The following ZNF567 variants were observed in gnomAD, a reference collection of about 807,000 sequenced individuals.
ZNF567 encodes zinc finger protein 567.
A neutral mutation model predicts 53.9 loss-of-function variants in ZNF567; 36 were observed. The ratio of observed to expected loss-of-function variants is 0.67; its 90% CI spans 0.51 to 0.88. ZNF567 has a LOEUF of 0.88. Among genes scored for constraint, ZNF567 ranks in the 40% least tolerant of loss-of-function variants. The probability of loss-of-function intolerance (pLI) is 0.00; values close to 1 mark genes in which losing one functional copy is unlikely to be tolerated. For missense variants in ZNF567, 619 were observed against 764.7 expected (o/e 0.81, Z 2.25); for synonymous variants, 224 against 260.4 (o/e 0.86, Z 1.35).
chr19:36,681,334 C>T, the ZNF567 span, among the ~76,000 whole-genome samples: 1 of 152,138 alleles, frequency 6.6e-6, no homozygotes, highest in Admixed American at 6.5e-5. Flanking sequence ...TCTCTTTTTA[C>T]ACATTTAAGG....
the ZNF567 span, chr19:36,669,327 G>A: frequency 6.6e-6 from 1 of 152,162 alleles, no homozygotes. Flanking sequence ...TGTTTTAAAG[G>A]ATTATGATTG....
At chr19:36,676,445 C>T in the ZNF567 span, among the ~76,000 whole-genome samples, 4 of 151,678 alleles carry the variant, frequency 2.6e-5, no homozygotes, top group African/African-American at 9.7e-5. Flanking sequence ...TATATTCCTG[C>T]TAGACTCAAA....
intron 2 of ZNF567, among the ~76,000 whole-genome samples, chr19:36,694,240 T>G (rs983945102): frequency 6.6e-6 from 1 of 152,132 alleles, no homozygotes; most frequent in Non-Finnish European, 1.5e-5. Context: ...ATTAATTTCC[T>G]TCCTTTAAAG....
chr19:36,685,768 G>C (rs2038253620), upstream of ZNF567: 1 of 152,152 alleles, frequency 6.6e-6, no homozygotes, highest in African/African-American at 2.4e-5. Flanking sequence ...CACCTCAAAA[G>C]TTTATGGCTT....
At chr19:36,668,617 GTGACTGTGTA>G in the ZNF567 span, 1 of 152,284 alleles carries the variant, frequency 6.6e-6, no homozygotes, top group Non-Finnish European at 1.5e-5. Context: ...GCGGTGTGAG[GTGACTGTGTA>G]TGTTTGTGTG....
rs2040225828 is a variant in ZNF567, at chr19:36,719,711, AAC to A, written c.995_996del (p.Thr332ArgfsTer6). On this transcript the variant is annotated frameshift_variant, in exon 6 of 6. Coordinates refer to ENST00000682579, the MANE Select transcript of ZNF567 (RefSeq NM_001322917.1). LOFTEE classifies it high-confidence loss of function. ...LKTALTDHQRTHTGEKSYECL... is the reference protein window; with the variant it reads ...LKTALTDHQRXHTGEKSYECL... ...AGACAGCCCTCACTGATCATCAGAG[AAC>A]ACACACAGGGGAGAAATCGTATGAA... 1.2e-6 allele frequency: 2 copies of A among 1,614,162 alleles called. No individual in the cohort carries two copies. The highest frequency in any genetic ancestry group is 1.7e-6 in the Non-Finnish European group (2 of 1,180,026).
chr19:36,671,974 C>A, the ZNF567 span, among the ~76,000 whole-genome samples: 1 of 152,224 alleles, frequency 6.6e-6, no homozygotes, highest in Non-Finnish European at 1.5e-5. Flanking sequence ...TGCTACAATA[C>A]CTTTCTCTCC....
intron 5 of ZNF567, among the ~76,000 whole-genome samples, chr19:36,718,310 C>T (rs2040155842): frequency 6.6e-6 from 1 of 151,936 alleles, no homozygotes; most frequent in Non-Finnish European, 1.5e-5. Context: ...CCAACCTGGC[C>T]AGCATGGTGA....
At chr19:36,708,968 T>C (rs2039637819) in intron 3 of ZNF567, among the ~76,000 whole-genome samples, 1 of 152,250 alleles carries the variant, frequency 6.6e-6, no homozygotes, top group Admixed American at 6.5e-5. Flanking sequence ...TTAAGGTTAA[T>C]ATTAAATTAG....
Position 36,708,164 on chromosome 19 carries a change from A to G in ZNF567, c.10-4222A>G, listed in dbSNP as rs1321234996. On this transcript the variant is annotated intron_variant, in intron 3 of 5. Transcript: ENST00000682579. ...CTCAGCTTCCCAGAGTTCTGGAATT[A>G]CTGGCATGAGCCACTGTGCCCAGCC... Among the ~76,000 whole-genome samples, 55 of 152,196 alleles carry G rather than the reference A, an allele frequency of 3.6e-4. 1 individual carries two copies. The highest frequency in any genetic ancestry group is 1.5e-5 in the Non-Finnish European group (1 of 68,038).
At position 36,712,520 on chromosome 19, in the gene ZNF567, A is replaced by G; in HGVS notation, c.136+8A>G. Reference sequence around the variant, plus strand: ...GCCACCTCATCTCTGTGGGTAAGAAAAATCCTCTTTGAAACTTTAGTAGCA... The same window carrying G: ...GCCACCTCATCTCTGTGGGTAAGAAGAATCCTCTTTGAAACTTTAGTAGCA... On this transcript the variant is annotated splice_region_variant and intron_variant, in intron 4 of 5. Transcript: ENST00000682579. 14 of 1,614,130 alleles carry G rather than the reference A, an allele frequency of 8.7e-6. No individual in the cohort carries two copies. Among genetic ancestry groups the G allele is most frequent in the Non-Finnish European group, 1.2e-5 (14 of 1,179,996 alleles).
upstream of ZNF567, among the ~76,000 whole-genome samples, chr19:36,683,768 G>A (rs1187299528): frequency 1.3e-5 from 2 of 152,044 alleles, no homozygotes; most frequent in East Asian, 3.9e-4. Context: ...GGAGGCGGGG[G>A]TTGCAGTAAG....
At chr19:36,705,814 A>G (rs1413834693) in intron 3 of ZNF567, among the ~76,000 whole-genome samples, 1 of 152,134 alleles carries the variant, frequency 6.6e-6, no homozygotes, top group African/African-American at 2.4e-5. Context: ...TATATTTAGG[A>G]TTGTTGTATC....
the ZNF567 span, among the ~76,000 whole-genome samples, chr19:36,675,844 G>C: frequency 6.6e-6 from 1 of 151,994 alleles, no homozygotes; most frequent in African/African-American, 2.4e-5. Context: ...GCAAGACTCT[G>C]TCTCAAACAA....
In ZNF567 at chr19:36,719,749, G is replaced by A; in HGVS notation, c.1025G>A (p.Cys342Tyr). 4.3e-6 allele frequency: 7 copies of A among 1,614,134 alleles called. No individual in the cohort carries two copies. The highest frequency in any genetic ancestry group is 5.9e-6 in the Non-Finnish European group (7 of 1,180,016). ...TGEKSYECLQ[C>Y]RNAFRLKSHL... ...GAGAAATCGTATGAATGTCTGCAAT[G>A]TAGGAATGCCTTCAGATTGAAGTCA... Residue 342 changes from cysteine to tyrosine, a missense_variant, in exon 6 of 6, where the codon TGT (cysteine) becomes TAT (tyrosine). Coordinates refer to ENST00000682579, the MANE Select transcript of ZNF567 (RefSeq NM_001322917.1).
At chr19:36,701,228 C>T (rs542609783) in intron 3 of ZNF567, among the ~76,000 whole-genome samples, 18 of 152,196 alleles carry the variant, frequency 1.2e-4, no homozygotes, top group South Asian at 1.0e-3. Flanking sequence ...TTTAGTTGAG[C>T]GGTTTTGAGT....
Position 36,719,188 on chromosome 19 carries a change from C to T in ZNF567, c.464C>T (p.Ala155Val), listed in dbSNP as rs2040200109. The T allele has an allele frequency of 1.2e-6, 2 of 1,613,190 alleles. No homozygotes were observed. Among genetic ancestry groups the T allele is most frequent in the Admixed American group, 1.7e-5 (1 of 59,848 alleles). ...TTAATCATCAGTAATCTAAATCCTG[C>T]AAGAAAGAGACTTAGTGAGTATAAT... ...SELIISNLNP[A>V]RKRLSEYNGY... Residue 155 changes from alanine to valine, a missense_variant, in exon 6 of 6, where the codon GCA becomes GTA. Physicochemically the swap from Ala to Val is moderately conservative, Grantham distance 64. Transcript: ENST00000682579.
At chr19:36,676,386 T>C in the ZNF567 span, among the ~76,000 whole-genome samples, 28 of 151,134 alleles carry the variant, frequency 1.9e-4, no homozygotes, top group South Asian at 5.9e-3. Flanking sequence ...TTTTTTTAAC[T>C]GATCACTTAA....
the ZNF567 span, among the ~76,000 whole-genome samples, chr19:36,680,909 C>T: frequency 1.3e-5 from 2 of 152,166 alleles, no homozygotes; most frequent in African/African-American, 4.8e-5. Context: ...CCCACCCAGA[C>T]AATCCAGGAT....
Sources: allele counts gnomAD v4.1 joint callset (sites outside exome capture counted in the v4.1 genomes callset), GRCh38; gene constraint gnomAD v4.1.1; transcripts MANE v1.5; gene names NCBI Gene and HGNC (gene_info 2026-07-23, HGNC 2026-07-21).